ST8SIA1: variants seen among roughly 807,000 people sequenced by gnomAD.
ST8SIA1 encodes the protein alpha-N-acetylneuraminide alpha-2,8-sialyltransferase.
In ST8SIA1, 16 loss-of-function variants were observed where a neutral mutation model predicts 35.9. That is an observed-to-expected ratio of 0.45 (90% confidence interval 0.30 to 0.68). The LOEUF (loss-of-function observed/expected upper bound fraction) is 0.68, where lower values mean the gene tolerates loss of function less well. Ranked by LOEUF, ST8SIA1 falls within the 30% of genes least tolerant of loss-of-function variation. The pLI, the probability that ST8SIA1 is intolerant of heterozygous loss-of-function variation, is 0.09. For missense variants in ST8SIA1, 383 were observed against 453.6 expected (o/e 0.84, Z 1.41); for synonymous variants, 170 against 169.6 (o/e 1.00, Z -0.02).
intron 1 of ST8SIA1, among the ~76,000 whole-genome samples, chr12:22,305,972 T>C (rs1866378906): frequency 6.6e-6 from 1 of 152,188 alleles, no homozygotes; most frequent in African/African-American, 2.4e-5. Flanking sequence ...ACTATCATCA[T>C]CTTTGTTTCA....
At chr12:22,305,475 G>C (rs1205630414) in intron 1 of ST8SIA1, among the ~76,000 whole-genome samples, 15 of 151,342 alleles carry the variant, frequency 9.9e-5, no homozygotes, top group Non-Finnish European at 1.6e-4. Context: ...CCACTTCCCG[G>C]CTTCAAGCTA....
intron 4 of ST8SIA1, among the ~76,000 whole-genome samples, chr12:22,215,539 T>C (rs1865225240): frequency 6.6e-6 from 1 of 152,184 alleles, no homozygotes; most frequent in African/African-American, 2.4e-5. Context: ...AGTGTTGCTG[T>C]TTTGTTTAGG....
chr12:22,262,040 T>C (rs929859329), intron 2 of ST8SIA1, among the ~76,000 whole-genome samples: 2 of 152,170 alleles, frequency 1.3e-5, no homozygotes, highest in African/African-American at 4.8e-5. Flanking sequence ...GGAATTAACA[T>C]TTAAGCTGAG....
chr12:22,274,618 T>C (rs942670318), intron 2 of ST8SIA1, among the ~76,000 whole-genome samples: 4 of 152,118 alleles, frequency 2.6e-5, no homozygotes, highest in Non-Finnish European at 5.9e-5. Flanking sequence ...AAATGTACGA[T>C]CTTGTTATTT....
chr12:22,304,191 T>C (rs1866355008), intron 1 of ST8SIA1, among the ~76,000 whole-genome samples: 1 of 152,182 alleles, frequency 6.6e-6, no homozygotes, highest in Admixed American at 6.5e-5. Context: ...TAAAAAGATT[T>C]TTTTTAAGGA....
At chr12:22,257,227 C>T (rs916223171) in intron 2 of ST8SIA1, among the ~76,000 whole-genome samples, 14 of 151,902 alleles carry the variant, frequency 9.2e-5, no homozygotes, top group African/African-American at 3.4e-4. Flanking sequence ...TTATTATTTT[C>T]TTTTGAGACA....
intron 1 of ST8SIA1, chr12:22,325,393 C>T: frequency 1.4e-6 from 1 of 699,504 alleles, no homozygotes; most frequent in Non-Finnish European, 2.6e-6. Flanking sequence ...CCACTTCCTC[C>T]TGGCACCTAA....
chr12:22,201,816 A>G lies in ST8SIA1; in HGVS notation c.807T>C (p.His269=), dbSNP rs747864680. 1.9e-6 allele frequency: 3 copies of G among 1,614,158 alleles called. No individual in the cohort carries two copies. Among genetic ancestry groups the G allele is most frequent in the Non-Finnish European group, 2.5e-6 (3 of 1,179,990 alleles). The change falls in exon 5 of 5, where the codon CAT becomes CAC. Residue 269 remains histidine, a synonymous_variant. Transcript: ENST00000396037. ...IGKFWKSRGI[H]AKRLSTGLFL... ...AAAGTCCTGTGGACAGGCGCTTGGCATGGATTCCTCTACTTTTCCAGAACT... is the reference window on the plus strand; with the variant it reads ...AAAGTCCTGTGGACAGGCGCTTGGCGTGGATTCCTCTACTTTTCCAGAACT...
At chr12:22,256,272 C>A (rs1490564654) in intron 2 of ST8SIA1, among the ~76,000 whole-genome samples, 1 of 152,304 alleles carries the variant, frequency 6.6e-6, no homozygotes, top group South Asian at 2.1e-4. Context: ...CAACACTGAA[C>A]TGGACTGTAA....
Position 22,194,641 on chromosome 12 carries a change from AC to A in ST8SIA1, c.*6910del, listed in dbSNP as rs1486657671. 2 of 152,192 alleles carry A rather than the reference AC, an allele frequency of 1.3e-5. No individual in the cohort carries two copies. Among genetic ancestry groups the A allele is most frequent in the Non-Finnish European group, 2.9e-5 (2 of 68,060 alleles). The allele number at this position is 152,192 out of a possible 1,614,324, so 9.4% of individuals were successfully genotyped here. ...GCTTATGTGTGTTTGTGTTGTGTAC[AC>A]TAGAATACAGGGTAGAAAATGCATC... On this transcript the variant is annotated 3_prime_UTR_variant, in exon 5 of 5. Transcript: ENST00000396037.
At chr12:22,278,408 C>A (rs993481912) in intron 2 of ST8SIA1, among the ~76,000 whole-genome samples, 5 of 152,032 alleles carry the variant, frequency 3.3e-5, no homozygotes, top group Non-Finnish European at 7.4e-5. Flanking sequence ...TCTTACTGAC[C>A]TTGGGTGTCA....
chr12:22,305,538 G>A (rs1462175371), intron 1 of ST8SIA1, among the ~76,000 whole-genome samples: 1 of 151,968 alleles, frequency 6.6e-6, no homozygotes, highest in Non-Finnish European at 1.5e-5. Flanking sequence ...CCACTACTAT[G>A]CCCAGATAAT....
At chr12:22,215,931 G>A (rs1033703642) in intron 4 of ST8SIA1, among the ~76,000 whole-genome samples, 1 of 152,176 alleles carries the variant, frequency 6.6e-6, no homozygotes, top group African/African-American at 2.4e-5. Context: ...GGACTCTATA[G>A]CCCTAAGGGA....
rs369350062 is a variant in ST8SIA1, at chr12:22,260,953, A to C, written c.382-5564T>G. Among the ~76,000 whole-genome samples, 13 of 140,596 alleles carry C rather than the reference A, an allele frequency of 9.2e-5. No homozygotes were observed. In the East Asian group the frequency reaches 1.7e-3, roughly 18 times the overall value. The allele number at this position is 140,596 out of a possible 152,430, so 92.2% of individuals were successfully genotyped here. On this transcript the variant is annotated intron_variant, in intron 2 of 4. Transcript: ENST00000396037. ...GTGCAGTGGTCCAATCACGGCTCAC[A>C]GCAGCTTCAACCTCCTGGGCTCAAG...
At chr12:22,270,662 G>T (rs1012443570) in intron 2 of ST8SIA1, among the ~76,000 whole-genome samples, 2 of 152,152 alleles carry the variant, frequency 1.3e-5, no homozygotes, top group Non-Finnish European at 2.9e-5. Flanking sequence ...AAAGGTAAAG[G>T]GGTGAAAGGG....
intron 2 of ST8SIA1, among the ~76,000 whole-genome samples, chr12:22,258,920 A>G (rs1361308129): frequency 6.6e-6 from 1 of 152,130 alleles, no homozygotes; most frequent in African/African-American, 2.4e-5. Context: ...CTGTGGAACT[A>G]TGGAATTGGA....
chr12:22,220,846 GT>G (rs1565570293), intron 4 of ST8SIA1, among the ~76,000 whole-genome samples: 2 of 152,136 alleles, frequency 1.3e-5, no homozygotes, highest in African/African-American at 4.8e-5. Context: ...GGTATGTCTG[GT>G]TTTTCTGGAC....
chr12:22,289,205 A>C (rs1468037953), intron 1 of ST8SIA1, among the ~76,000 whole-genome samples: 1 of 152,188 alleles, frequency 6.6e-6, no homozygotes, highest in Non-Finnish European at 1.5e-5. Flanking sequence ...GGATAGGCTA[A>C]ATTTTTAGTT....
At chr12:22,206,847 G>A (rs537930009) in intron 4 of ST8SIA1, among the ~76,000 whole-genome samples, 1 of 152,288 alleles carries the variant, frequency 6.6e-6, no homozygotes, top group East Asian at 1.9e-4. Flanking sequence ...CATTCAAGGG[G>A]CAGAGGAAAC....
Sources: allele counts gnomAD v4.1 joint callset (sites outside exome capture counted in the v4.1 genomes callset), GRCh38; gene constraint gnomAD v4.1.1; transcripts MANE v1.5; gene names NCBI Gene and HGNC (gene_info 2026-07-23, HGNC 2026-07-21).